Variants in ADCY8 observed in about 807,000 individuals in gnomAD.
ADCY8 encodes adenylate cyclase type 8.
Under a neutral mutation model 119.7 loss-of-function variants are expected in ADCY8, and 51 were observed. The observed-to-expected ratio is 0.43, with a 90% CI of 0.34 to 0.54. The LOEUF is 0.54. Ranked by LOEUF, ADCY8 falls within the 20% of genes least tolerant of loss-of-function variation. ADCY8 has a pLI of 0.03. For synonymous variants in ADCY8, 665 were observed against 651.0 expected (o/e 1.02, Z -0.33); for missense variants, 1,383 against 1,598.8 (o/e 0.87, Z 2.30).
intron 7 of ADCY8, among the ~76,000 whole-genome samples, chr8:130,893,143 A>G (rs1476931348): frequency 6.6e-6 from 1 of 152,226 alleles, no homozygotes; most frequent in African/African-American, 2.4e-5. Flanking sequence ...AGAACTTGGC[A>G]CACTCATTTA....
chr8:130,838,448 C>G (rs1282403354), intron 11 of ADCY8, among the ~76,000 whole-genome samples: 1 of 152,140 alleles, frequency 6.6e-6, no homozygotes, highest in East Asian at 1.9e-4. Context: ...GAAGCTGTGT[C>G]TGAAGTGACT....
intron 9 of ADCY8, among the ~76,000 whole-genome samples, chr8:130,857,449 T>C (rs1327949071): frequency 6.6e-6 from 1 of 152,220 alleles, no homozygotes; most frequent in African/African-American, 2.4e-5. Flanking sequence ...TGTCTCTTTA[T>C]CCTTTTATCT....
chr8:130,992,923 G>A (rs776998733), intron 1 of ADCY8, among the ~76,000 whole-genome samples: 7 of 151,946 alleles, frequency 4.6e-5, no homozygotes, highest in Non-Finnish European at 7.4e-5. Context: ...ACCCTACATA[G>A]GTTAACTGTG....
intron 1 of ADCY8, among the ~76,000 whole-genome samples, chr8:131,020,267 A>G (rs1283433143): frequency 1.3e-5 from 2 of 152,274 alleles, no homozygotes; most frequent in Non-Finnish European, 1.5e-5. Flanking sequence ...TGGAAAATAG[A>G]TTAGAAGGGG....
chr8:130,789,524 T>C lies in ADCY8; in HGVS notation c.3061-4049A>G, dbSNP rs1050014100. 4.0e-5 allele frequency among the ~76,000 whole-genome samples: 6 copies of C among 150,920 alleles called. No individual in the cohort carries two copies. In the South Asian group the frequency reaches 1.3e-3, roughly 32 times the overall value. On this transcript the variant is annotated intron_variant, in intron 15 of 17. Transcript: ENST00000286355. ...ATGCACTGATAATTGTTAATATTCC[T>C]TGGAAACACTAGGTGATATTTGGAT...
chr8:130,946,006 C>T (rs1283958359), intron 3 of ADCY8, among the ~76,000 whole-genome samples: 1 of 152,196 alleles, frequency 6.6e-6, no homozygotes, highest in Non-Finnish European at 1.5e-5. Context: ...TATTGCTCAG[C>T]TATGCTATTT....
intron 1 of ADCY8, among the ~76,000 whole-genome samples, chr8:131,013,929 T>C (rs1162287032): frequency 6.6e-6 from 1 of 152,216 alleles, no homozygotes. Context: ...AAAAAGTGTG[T>C]TTATTGTTGC....
intron 5 of ADCY8, among the ~76,000 whole-genome samples, chr8:130,915,007 C>G (rs1170739018): frequency 2.0e-5 from 3 of 152,276 alleles, no homozygotes; most frequent in Admixed American, 2.0e-4. Flanking sequence ...CACTGAGTTG[C>G]CTTAGGACCT....
At chr8:130,981,874 C>T (rs376846262) in intron 2 of ADCY8, among the ~76,000 whole-genome samples, 156 of 152,298 alleles carry the variant, frequency 1.0e-3, no homozygotes, top group Middle Eastern at 3.4e-3. Context: ...ATTGAGGCCC[C>T]ACTATGTCAG....
At chr8:130,942,506 T>C (rs531142378) in intron 4 of ADCY8, among the ~76,000 whole-genome samples, 9 of 152,216 alleles carry the variant, frequency 5.9e-5, no homozygotes, top group Non-Finnish European at 8.8e-5. Context: ...TCCTAACACA[T>C]AGCAGCATGT....
rs140849786 is a variant in ADCY8 at position 131,036,428 on chromosome 8, T to C, written c.960+2946A>G. 2.9e-3 allele frequency among the ~76,000 whole-genome samples: 435 copies of C among 152,306 alleles called. 1 individual carries two copies. The highest frequency in any genetic ancestry group is 0.01 in the African/African-American group (421 of 41,572). On this transcript the variant is annotated intron_variant, in intron 1 of 17. Transcript: ENST00000286355. ...ACAACATCAGGGCACTTGGATATTT[T>C]ATAATATTTCCTATATGATGAATTG...
chr8:130,930,992 T>A (rs1009705337), intron 5 of ADCY8, among the ~76,000 whole-genome samples: 4 of 152,188 alleles, frequency 2.6e-5, no homozygotes, highest in Admixed American at 1.3e-4. Flanking sequence ...TACTATAATA[T>A]TAGAATATTC....
chr8:130,819,200 CT>C (rs540184245), intron 13 of ADCY8, among the ~76,000 whole-genome samples: 2 of 152,178 alleles, frequency 1.3e-5, no homozygotes. Context: ...GGTTTTAATA[CT>C]ATCTGCCCAA....
intron 1 of ADCY8, among the ~76,000 whole-genome samples, chr8:130,996,186 G>C (rs1486506247): frequency 6.6e-6 from 1 of 152,048 alleles, no homozygotes; most frequent in Non-Finnish European, 1.5e-5. Context: ...AGATAAAGAA[G>C]AGAGGTATTT....
chr8:131,024,410 T>C (rs1159947681), intron 1 of ADCY8, among the ~76,000 whole-genome samples: 1 of 152,186 alleles, frequency 6.6e-6, no homozygotes, highest in Non-Finnish European at 1.5e-5. Context: ...GTGACTAACC[T>C]ATAGCAGGAT....
intron 5 of ADCY8, among the ~76,000 whole-genome samples, chr8:130,927,943 C>T (rs1445700038): frequency 6.6e-6 from 1 of 152,140 alleles, no homozygotes; most frequent in Non-Finnish European, 1.5e-5. Context: ...ATGACAGGGC[C>T]TGCTCTGTTG....
chr8:130,990,686 C>CCTG, intron 1 of ADCY8, 144 bp from the exon 2 acceptor site: 1 of 1,020,912 alleles, frequency 9.8e-7, no homozygotes, highest in Admixed American at 2.8e-5. Flanking sequence ...GAGCTATGCC[C>CCTG]TTCATTCAGA....
chr8:130,846,792 CT>C, intron 11 of ADCY8, among the ~76,000 whole-genome samples: 3 of 114,752 alleles, frequency 2.6e-5, no homozygotes, highest in Admixed American at 8.6e-5. Flanking sequence ...TTCCTTCCTT[CT>C]CCTTCCTTCC....
chr8:130,857,073 C>G (rs1054985629), intron 9 of ADCY8, among the ~76,000 whole-genome samples: 2 of 143,904 alleles, frequency 1.4e-5, no homozygotes, highest in African/African-American at 2.6e-5. Context: ...GCAGGGCACA[C>G]CAAAAGCCCA....
Sources: allele counts gnomAD v4.1 joint callset (sites outside exome capture counted in the v4.1 genomes callset), GRCh38; gene constraint gnomAD v4.1.1; transcripts MANE v1.5; gene names NCBI Gene and HGNC (gene_info 2026-07-23, HGNC 2026-07-21).